The following TBC1D10A variants were observed in gnomAD, a reference collection of about 807,000 sequenced individuals.
TBC1D10A encodes TBC1 domain family member 10A.
Under a neutral mutation model 52.9 loss-of-function variants are expected in TBC1D10A, and 24 were observed. The ratio of observed to expected loss-of-function variants is 0.45; its 90% confidence interval spans 0.33 to 0.64. TBC1D10A has a LOEUF of 0.64. Ranked by LOEUF, TBC1D10A falls within the 30% of genes least tolerant of loss-of-function variation. The pLI is 0.02. For missense variants in TBC1D10A, 602 were observed against 687.9 expected (o/e 0.88, Z 1.40); for synonymous variants, 278 against 282.9 (o/e 0.98, Z 0.17).
intron 3 of TBC1D10A, 23 bp from the exon 4 acceptor site, chr22:30,295,866 G>A (rs750644569): frequency 6.2e-7 from 1 of 1,602,366 alleles, no homozygotes; most frequent in Non-Finnish European, 8.5e-7. Context: ...GCACAAATTA[G>A]GGGCTGGGGA....
intron 1 of TBC1D10A, among the ~76,000 whole-genome samples, chr22:30,323,563 A>C (rs184590230): frequency 6.6e-6 from 1 of 152,350 alleles, no homozygotes; most frequent in Non-Finnish European, 1.5e-5. Context: ...CCCTAAGTCC[A>C]AGTCCTAGTT....
rs776893113 is a variant in TBC1D10A at position 30,326,924 on chromosome 22, C to A, written c.-43G>T. 51 of 1,389,774 alleles carry A rather than the reference C, an allele frequency of 3.7e-5. No homozygotes were observed. The highest frequency in any genetic ancestry group is 4.6e-5 in the Non-Finnish European group (49 of 1,076,086). The allele number at this position is 1,389,774 out of a possible 1,614,324, so 86.1% of individuals were successfully genotyped here. Reference sequence around the variant, plus strand: ...CCTGAGCTCCAGCGGCCACCTCAGCCGCCCTGCTGCCGCCGACGCCCCGCC... The same window carrying A: ...CCTGAGCTCCAGCGGCCACCTCAGCAGCCCTGCTGCCGCCGACGCCCCGCC... On this transcript the variant is annotated 5_prime_UTR_variant, in exon 1 of 9. Coordinates refer to ENST00000215790, the MANE Select transcript of TBC1D10A (RefSeq NM_031937.3).
intron 1 of TBC1D10A, among the ~76,000 whole-genome samples, chr22:30,325,177 G>C (rs942251115): frequency 7.9e-5 from 12 of 152,192 alleles, no homozygotes; most frequent in Admixed American, 2.6e-4. Context: ...TGCTCTCTCT[G>C]AGTCCTGGAC....
At chr22:30,295,094 ACT>A in intron 4 of TBC1D10A, 39 bp from the exon 5 acceptor site, 1 of 1,599,766 alleles carries the variant, frequency 6.3e-7, no homozygotes, top group Non-Finnish European at 8.5e-7. Flanking sequence ...GACCGGGGTG[ACT>A]CTGCTACCCA....
At chr22:30,299,397 G>C (rs770709532) in intron 3 of TBC1D10A, 47 bp downstream of exon 3, 14 of 1,580,078 alleles carry the variant, frequency 8.9e-6, no homozygotes, top group Non-Finnish European at 1.2e-5. Context: ...TGGGGAGGAC[G>C]CCAAGAGATG....
intron 1 of TBC1D10A, among the ~76,000 whole-genome samples, chr22:30,316,394 C>G (rs771550273): frequency 6.6e-6 from 1 of 152,046 alleles, no homozygotes; most frequent in Non-Finnish European, 1.5e-5. Context: ...TGGCATGTGC[C>G]ATGGTGACTC....
chr22:30,314,974 T>G (rs1930505225), intron 1 of TBC1D10A, among the ~76,000 whole-genome samples: 1 of 152,076 alleles, frequency 6.6e-6, no homozygotes, highest in Admixed American at 6.5e-5. Context: ...AAGCCTTGAG[T>G]GGAATCTTTC....
At position 30,292,640 on chromosome 22, in the gene TBC1D10A, G is replaced by C; in HGVS notation, c.1262C>G (p.Ser421Cys). ...CTTGGGTGGCTTGGGCTTGGCTTTGGAGCCAGGGAGGGGGGCATCTAGGGG... is the reference window on the plus strand; with the variant it reads ...CTTGGGTGGCTTGGGCTTGGCTTTGCAGCCAGGGAGGGGGGCATCTAGGGG... ...RLPLDAPLPG[S>C]KAKPKPPKQA... The change falls in exon 9 of 9, where the codon TCC (serine) becomes TGC (cysteine). Residue 421 changes from serine (S) to cysteine (C), a missense_variant. Ser to Cys is a moderately radical substitution (Grantham distance 112, BLOSUM62 -1). Coordinates refer to ENST00000215790, the MANE Select transcript of TBC1D10A (RefSeq NM_031937.3). The C allele has an allele frequency of 1.2e-6, 2 of 1,612,422 alleles. No individual in the cohort carries two copies. Among genetic ancestry groups the C allele is most frequent in the Non-Finnish European group, 1.7e-6 (2 of 1,179,210 alleles).
At chr22:30,313,260 G>A (rs747132715) in intron 1 of TBC1D10A, among the ~76,000 whole-genome samples, 8 of 151,610 alleles carry the variant, frequency 5.3e-5, no homozygotes, top group Non-Finnish European at 1.0e-4. Flanking sequence ...ATGAGAAGGC[G>A]CGTTCCTGGA....
chr22:30,298,593 C>T (rs1930134368), intron 3 of TBC1D10A: 1 of 152,284 alleles, frequency 6.6e-6, no homozygotes, highest in African/African-American at 2.4e-5. Flanking sequence ...CAGCTCTGCT[C>T]TGTCTCACTG....
chr22:30,303,289 TTAGATAGATAGA>T (rs562926051), intron 2 of TBC1D10A, among the ~76,000 whole-genome samples: 1 of 146,894 alleles, frequency 6.8e-6, no homozygotes, highest in Admixed American at 6.7e-5. Context: ...AAATAAATAG[TTAGATAGATAGA>T]TAGATAGACA....
chr22:30,294,071 A>G lies in TBC1D10A; in HGVS notation c.745T>C (p.Leu249=), dbSNP rs1302940060. 6 of 1,614,110 alleles carry G rather than the reference A, an allele frequency of 3.7e-6. No individual in the cohort carries two copies. The Admixed American group carries it at 8.3e-5, about 22-fold the overall frequency. Residue 249 remains leucine (L), a synonymous_variant, in exon 7 of 9, where the codon TTG becomes CTG. Coordinates refer to ENST00000215790, the MANE Select transcript of TBC1D10A (RefSeq NM_031937.3). ...TGGGCCACCGGCGACACCTTCTGCA[A>G]CAGCGAGAAAAGGATCTCCCCGTCC... is the stretch of plus-strand genomic sequence containing the variant. ...QLDGEILFSL[L]QKVSPVAHKH... is the part of the protein sequence containing the mutation.
intron 5 of TBC1D10A, 25 bp downstream of exon 5, chr22:30,294,916 C>T (rs1019747081): frequency 6.2e-7 from 1 of 1,613,994 alleles, no homozygotes; most frequent in Non-Finnish European, 8.5e-7. Context: ...ACCCACCCCC[C>T]TGCCTGCCCG....
intron 2 of TBC1D10A, among the ~76,000 whole-genome samples, chr22:30,302,877 G>C (rs1410819653): frequency 6.6e-6 from 1 of 152,234 alleles, no homozygotes; most frequent in East Asian, 1.9e-4. Context: ...CAGATTGCTG[G>C]AGAGCAAGCT....
At chr22:30,309,160 T>G (rs1265327445) in intron 1 of TBC1D10A, among the ~76,000 whole-genome samples, 1 of 152,114 alleles carries the variant, frequency 6.6e-6, no homozygotes, top group Non-Finnish European at 1.5e-5. Flanking sequence ...TACCTAGCAA[T>G]GCTCAGAGAC....
chr22:30,294,831 C>T lies in TBC1D10A; in HGVS notation c.670G>A (p.Glu224Lys), dbSNP rs750992640. The change falls in exon 6 of 9, where the codon GAG (glutamate) becomes AAG (lysine). Residue 224 changes from glutamate (E) to lysine (K), a missense_variant. Around this residue, in one of 3 missense-constraint regions of TBC1D10A, gnomAD observed 136 missense variants for 208.4 expected, o/e 0.65. Transcript: ENST00000215790. ...CTGTAGTAGCCGGGCAGGTACTTCT[C>T]ACAGATCTGTACCAGGCACCAGAAG... ...QAFWCLVQICEKYLPGYYSEK... is the reference protein window; with the variant it reads ...QAFWCLVQICKKYLPGYYSEK... The T allele has an allele frequency of 6.2e-7, 1 of 1,614,162 alleles. No homozygotes were observed. The highest frequency in any genetic ancestry group is 1.1e-5 in the South Asian group (1 of 91,086).
At chr22:30,301,986 C>T (rs1169853296) in intron 2 of TBC1D10A, among the ~76,000 whole-genome samples, 1 of 152,204 alleles carries the variant, frequency 6.6e-6, no homozygotes, top group Non-Finnish European at 1.5e-5. Context: ...GCCACAGGCC[C>T]TTCAGGCTCT....
chr22:30,319,828 C>G (rs554901146), intron 1 of TBC1D10A, among the ~76,000 whole-genome samples: 1 of 152,304 alleles, frequency 6.6e-6, no homozygotes, highest in East Asian at 1.9e-4. Flanking sequence ...CCTCCTACCC[C>G]TCAAGTGTAC....
intron 8 of TBC1D10A, 125 bp from the exon 9 acceptor site, chr22:30,292,976 G>A: frequency 7.4e-6 from 8 of 1,076,086 alleles, no homozygotes; most frequent in South Asian, 1.5e-5. Flanking sequence ...CTGACCCCAG[G>A]AAGGATGAGG....
Sources: gnomAD v4.1 joint callset for allele counts (sites outside exome capture counted in the v4.1 genomes callset) on GRCh38, gnomAD v4.1.1 for gene constraint, gnomAD v4.1.1 regional missense constraint, MANE v1.5 for transcripts, NCBI Gene and HGNC (gene_info 2026-07-23, HGNC 2026-07-21) for gene names.